The following CCDC85A variants were observed in gnomAD, a reference collection of about 807,000 sequenced individuals.
The protein encoded by CCDC85A is coiled-coil domain-containing protein 85A.
Under a neutral mutation model 50.2 loss-of-function variants are expected in CCDC85A, and 38 were observed. The observed-to-expected ratio is 0.76, with a 90% CI of 0.58 to 0.99. The LOEUF is 0.99. Among genes scored for constraint, CCDC85A ranks in the 50% least tolerant of loss-of-function variants. The pLI is 0.00. For missense variants in CCDC85A, 820 were observed against 742.0 expected, an observed-to-expected ratio of 1.11 and a Z score of -1.22; for synonymous variants, 366 against 301.4, an observed-to-expected ratio of 1.21 and a Z score of -2.22.
At chr2:56,201,045 T>C (rs971245952) in intron 2 of CCDC85A, among the ~76,000 whole-genome samples, 7 of 150,368 alleles carry the variant, frequency 4.7e-5, no homozygotes, top group Non-Finnish European at 8.8e-5. Flanking sequence ...TGGTAATTGC[T>C]CAAAAACTAT....
In CCDC85A at chr2:56,184,347, G is replaced by A; in HGVS notation, c.-278G>A. ...CCGCGGCAGCCCCGGGCTCCCCAGT[G>A]CCCCTCACCATGGACTTGCGCGGAG... On this transcript the variant is annotated 5_prime_UTR_variant, in exon 1 of 6. Transcript: ENST00000407595. 2.0e-6 allele frequency: 1 copy of A among 495,052 alleles called. No individual in the cohort carries two copies. Among genetic ancestry groups the A allele is most frequent in the Non-Finnish European group, 2.9e-6 (1 of 342,770 alleles). 30.7% of individuals were successfully genotyped at this position (495,052 alleles called of 1,614,324 possible).
chr2:56,216,775 C>T (rs1278882438), intron 2 of CCDC85A, among the ~76,000 whole-genome samples: 7 of 145,614 alleles, frequency 4.8e-5, no homozygotes, highest in Non-Finnish European at 7.5e-5. Flanking sequence ...CTTTTATGAG[C>T]TCTTCTAGCT....
intron 3 of CCDC85A, among the ~76,000 whole-genome samples, chr2:56,364,555 G>T (rs576525421): frequency 8.5e-4 from 130 of 152,220 alleles, no homozygotes; most frequent in African/African-American, 3.0e-3. Flanking sequence ...GAGGGTATTC[G>T]TGACAAAGAA....
intron 2 of CCDC85A, among the ~76,000 whole-genome samples, chr2:56,285,491 TTAA>T (rs956416913): frequency 1.5e-5 from 2 of 134,302 alleles, no homozygotes; most frequent in Non-Finnish European, 3.1e-5. Flanking sequence ...TAATATTACA[TTAA>T]TAATATTATT....
intron 2 of CCDC85A, among the ~76,000 whole-genome samples, chr2:56,313,998 T>C (rs1415287100): frequency 6.7e-6 from 1 of 149,798 alleles, no homozygotes; most frequent in African/African-American, 2.5e-5. Context: ...AGGTGAAGTT[T>C]TGGCTGGTGA....
At chr2:56,194,239 C>G (rs1322306958) in intron 2 of CCDC85A, among the ~76,000 whole-genome samples, 1 of 152,180 alleles carries the variant, frequency 6.6e-6, no homozygotes, top group African/African-American at 2.4e-5. Context: ...GCATAACGTC[C>G]ACTACATTTG....
At chr2:56,313,134 C>T (rs567061476) in intron 2 of CCDC85A, among the ~76,000 whole-genome samples, 1 of 152,226 alleles carries the variant, frequency 6.6e-6, no homozygotes, top group Non-Finnish European at 1.5e-5. Flanking sequence ...TTGTCCTGAA[C>T]ATTCATGGCT....
chr2:56,222,413 T>G (rs1668363915), intron 2 of CCDC85A, among the ~76,000 whole-genome samples: 1 of 152,160 alleles, frequency 6.6e-6, no homozygotes, highest in African/African-American at 2.4e-5. Context: ...TGCCATATCT[T>G]AGACCAAAGA....
intron 3 of CCDC85A, among the ~76,000 whole-genome samples, chr2:56,360,539 A>T (rs1675471667): frequency 6.6e-6 from 1 of 152,182 alleles, no homozygotes; most frequent in African/African-American, 2.4e-5. Context: ...CTAGTTTTTA[A>T]GTTTCTTTTA....
In CCDC85A at chr2:56,374,227, C is replaced by A. The variant is rs542942583; in HGVS notation, c.1453-1589C>A. 3.3e-5 allele frequency among the ~76,000 whole-genome samples: 5 copies of A among 152,214 alleles called. No homozygotes were observed. The South Asian group carries it at 1.0e-3, about 32-fold the overall frequency. The stretch of plus-strand genomic sequence containing the variant: ...TCTACTGCTTCCTCTCCTTGTTGGC[C>A]AGTGAGGCTGGGTGCAGGACCTGAC... On this transcript the variant is annotated intron_variant, in intron 4 of 5. Coordinates refer to ENST00000407595, the MANE Select transcript of CCDC85A (RefSeq NM_001080433.2).
intron 2 of CCDC85A, among the ~76,000 whole-genome samples, chr2:56,308,077 A>G (rs535439961): frequency 2.0e-4 from 31 of 152,218 alleles, no homozygotes; most frequent in Non-Finnish European, 4.0e-4. Flanking sequence ...ACCTTTAAGG[A>G]GAATATCTGG....
chr2:56,383,129 A>G (rs1233368151), intron 5 of CCDC85A, among the ~76,000 whole-genome samples: 1 of 151,968 alleles, frequency 6.6e-6, no homozygotes, highest in Non-Finnish European at 1.5e-5. Flanking sequence ...TGAGGCATTG[A>G]GATTAACAGT....
Position 56,301,449 on chromosome 2 carries a change from A to G in CCDC85A, c.1241-41430A>G, listed in dbSNP as rs530161041. 1.1e-4 allele frequency among the ~76,000 whole-genome samples: 16 copies of G among 152,332 alleles called. No individual in the cohort carries two copies. In the South Asian group the frequency reaches 3.1e-3, roughly 30 times the overall value. The stretch of plus-strand genomic sequence containing the variant: ...TTCTCAATCGTAATTTTTTGAGGCT[A>G]AAATCTGGGAATCTATATTTTATAT... On this transcript the variant is annotated intron_variant, in intron 2 of 5. Coordinates refer to ENST00000407595, the MANE Select transcript of CCDC85A (RefSeq NM_001080433.2).
intron 4 of CCDC85A, among the ~76,000 whole-genome samples, chr2:56,372,692 G>T (rs1046689136): frequency 6.6e-6 from 1 of 152,176 alleles, no homozygotes; most frequent in African/African-American, 2.4e-5. Context: ...GGTGAAAGTT[G>T]AGCAACCGCA....
At chr2:56,339,010 G>A (rs1395192349) in intron 2 of CCDC85A, among the ~76,000 whole-genome samples, 1 of 152,124 alleles carries the variant, frequency 6.6e-6, no homozygotes, top group Non-Finnish European at 1.5e-5. Context: ...TAATTGTTAA[G>A]TAATAATTGC....
chr2:56,328,679 G>A (rs539432940), intron 2 of CCDC85A, among the ~76,000 whole-genome samples: 6 of 152,026 alleles, frequency 3.9e-5, no homozygotes, highest in Non-Finnish European at 5.9e-5. Context: ...CATGATATTC[G>A]TTCATGCCAA....
intron 2 of CCDC85A, among the ~76,000 whole-genome samples, chr2:56,276,741 T>TC (rs1010375398): frequency 6.7e-6 from 1 of 149,768 alleles, no homozygotes; most frequent in African/African-American, 2.5e-5. Context: ...AGTGAGTGTA[T>TC]TTTTTTTAAC....
intron 2 of CCDC85A, among the ~76,000 whole-genome samples, chr2:56,308,258 C>T (rs1349360288): frequency 1.3e-5 from 2 of 152,112 alleles, no homozygotes; most frequent in African/African-American, 2.4e-5. Context: ...GCTGTCTGTC[C>T]CTCTATAGAG....
At chr2:56,280,810 G>A (rs746408553) in intron 2 of CCDC85A, among the ~76,000 whole-genome samples, 3 of 152,172 alleles carry the variant, frequency 2.0e-5, no homozygotes, top group Non-Finnish European at 2.9e-5. Context: ...TGGTGAGGAA[G>A]TAGTACTACA....
Sources: allele counts gnomAD v4.1 joint callset (sites outside exome capture counted in the v4.1 genomes callset), GRCh38; gene constraint gnomAD v4.1.1; transcripts MANE v1.5; gene names NCBI Gene and HGNC (gene_info 2026-07-23, HGNC 2026-07-21).